Variants in NBPF11 observed in about 807,000 individuals in gnomAD.
NBPF11 encodes NBPF family member NBPF11.
A neutral mutation model predicts 93.9 loss-of-function variants in NBPF11; 72 were observed. That is an observed-to-expected ratio of 0.77 (90% CI 0.63 to 0.93). The LOEUF (loss-of-function observed/expected upper bound fraction) is 0.93, where lower values mean the gene tolerates loss of function less well. Ranked by LOEUF, NBPF11 falls within the 40% of genes least tolerant of loss-of-function variation. The probability of loss-of-function intolerance (pLI) is 0.00; values close to 1 mark genes in which losing one functional copy is unlikely to be tolerated. For missense variants in NBPF11, 705 were observed against 802.2 expected (o/e 0.88, Z 1.46); for synonymous variants, 224 against 304.9 (o/e 0.73, Z 2.76).
chr1:148,139,442 C>T (rs1241094075), intron 2 of NBPF11, among the ~76,000 whole-genome samples: 1 of 149,034 alleles, frequency 6.7e-6, no homozygotes, highest in Non-Finnish European at 1.5e-5. Context: ...CAGACCCAGT[C>T]ATGGGGACCA....
At chr1:148,147,382 G>C (rs1461787159) in intron 1 of NBPF11, among the ~76,000 whole-genome samples, 1 of 152,042 alleles carries the variant, frequency 6.6e-6, no homozygotes. Flanking sequence ...CCATCCTGGG[G>C]CAGGGCCTAC....
chr1:148,126,347 T>A (rs1669109762), intron 5 of NBPF11, among the ~76,000 whole-genome samples: 1 of 151,554 alleles, frequency 6.6e-6, no homozygotes, highest in Admixed American at 6.6e-5. Context: ...ACAGGTTCTA[T>A]TAGGAGCAGA....
At chr1:148,142,139 G>T (rs1414420124) in intron 2 of NBPF11, among the ~76,000 whole-genome samples, 4 of 151,050 alleles carry the variant, frequency 2.6e-5, no homozygotes, top group Admixed American at 6.6e-5. Flanking sequence ...GAAAGAGAGT[G>T]GGAGGGAAGT....
intron 1 of NBPF11, chr1:148,149,471 G>A (rs1399495987): frequency 6.3e-7 from 1 of 1,590,546 alleles, no homozygotes; most frequent in East Asian, 2.2e-5. Context: ...GCTGTGGGTG[G>A]AGGGCGCCGG....
At position 148,151,810 on chromosome 1, in the gene NBPF11, G is replaced by T. The variant is rs1289423103; in HGVS notation, c.-609C>A. ...AACTTCCCATCCAGGCTGCAGCCGTGCCGCCGTACCTCGGCCCCGCTCCTG... is the reference window on the plus strand; with the variant it reads ...AACTTCCCATCCAGGCTGCAGCCGTTCCGCCGTACCTCGGCCCCGCTCCTG... On this transcript the variant is annotated 5_prime_UTR_variant, in exon 1 of 24. Transcript: ENST00000682118. 6.6e-6 allele frequency: 1 copy of T among 152,114 alleles called. No homozygotes were observed. The highest frequency in any genetic ancestry group is 1.9e-4 in the East Asian group (1 of 5,190). The allele number at this position is 152,114 out of a possible 1,614,324, so 9.4% of individuals were successfully genotyped here. A position where few individuals can be genotyped will look rare whatever the true frequency, so the allele number is the denominator to read the frequency against.
Position 148,103,927 on chromosome 1 carries a change from A to G in NBPF11, c.2582-15T>C, listed in dbSNP as rs1426954402. On this transcript the variant is annotated splice_polypyrimidine_tract_variant and intron_variant, in intron 23 of 23. Transcript: ENST00000682118. ...CGCTGCTGAGCCTGGAAAAGGAGAC[A>G]AAACTAAAGAAGCAGCCAGGGAAAA... 1.2e-6 allele frequency: 2 copies of G among 1,610,784 alleles called. No individual in the cohort carries two copies. The highest frequency in any genetic ancestry group is 2.7e-5 in the African/African-American group (2 of 74,772).
intron 1 of NBPF11, among the ~76,000 whole-genome samples, chr1:148,150,355 T>G (rs1418895347): frequency 2.0e-5 from 3 of 150,584 alleles, no homozygotes; most frequent in African/African-American, 7.4e-5. Context: ...CCGCCCACCT[T>G]GGCCTCCCGA....
Position 148,103,561 on chromosome 1 carries a change from C to G in NBPF11, c.*335G>C. The G allele has an allele frequency of 1.3e-6, 2 of 1,591,170 alleles. No homozygotes were observed. The highest frequency in any genetic ancestry group is 8.6e-7 in the Non-Finnish European group (1 of 1,165,840). On this transcript the variant is annotated 3_prime_UTR_variant, in exon 24 of 24. Coordinates refer to ENST00000682118, the MANE Select transcript of NBPF11 (RefSeq NM_001385469.3). ...ATAGGAATAGAGCCATGCCCACTGA[C>G]CCATCCTATGTCTGGGCTTCCAAAT...
At chr1:148,145,963 A>G (rs1225468920) in intron 1 of NBPF11, among the ~76,000 whole-genome samples, 1 of 152,110 alleles carries the variant, frequency 6.6e-6, no homozygotes, top group Non-Finnish European at 1.5e-5. Flanking sequence ...TTGAAAAAAG[A>G]GAAATGCAAT....
In NBPF11 at chr1:148,120,566, C is replaced by T. The variant is rs1438108145; in HGVS notation, c.923G>A (p.Ser308Asn). 67 of 1,248,144 alleles carry T rather than the reference C, an allele frequency of 5.4e-5. 1 individual carries two copies. In the South Asian group the frequency reaches 5.5e-4, roughly 10 times the overall value. 77.3% of individuals were successfully genotyped at this position (1,248,144 alleles called of 1,614,324 possible). ...AGTTACAAAACATTTCTCTTTGAGG[C>T]TTCTGAACTGCTGTTTCTTCTCTGC... is the stretch of plus-strand genomic sequence containing the variant. Reference protein sequence around the residue: ...QLAEKKQQFRSLKEKCFVTQV... With the variant: ...QLAEKKQQFRNLKEKCFVTQV... The change falls in exon 10 of 24, where the codon AGC (serine) becomes AAC (asparagine). Residue 308 changes from serine (S) to asparagine (N), a missense_variant. By Grantham distance (46) the Ser-to-Asn change is conservative (BLOSUM62 1). Transcript: ENST00000682118.
At chr1:148,133,958 T>C (rs1181233368) in intron 4 of NBPF11, among the ~76,000 whole-genome samples, 4 of 151,654 alleles carry the variant, frequency 2.6e-5, no homozygotes, top group Admixed American at 2.6e-4. Flanking sequence ...CACATGTCCC[T>C]GCCTCTCAAG....
Position 148,122,055 on chromosome 1 carries a change from C to T in NBPF11, c.778G>A (p.Val260Ile). 6.2e-7 allele frequency: 1 copy of T among 1,603,496 alleles called. No homozygotes were observed. Among genetic ancestry groups the T allele is most frequent in the Admixed American group, 1.7e-5 (1 of 60,008 alleles). The change falls in exon 9 of 24, where the codon GTC becomes ATC. Residue 260 changes from valine to isoleucine, a missense_variant and splice_region_variant. By Grantham distance (29) the Val-to-Ile change is conservative (BLOSUM62 3). Transcript: ENST00000682118. ...GAGACACAAGGAAAATAGAGGCTAC[C>T]TGGGAGAATGTTTAGAGCATCCTGA... ...GCQDALNILPVPGPTSSATNV... is the reference protein window; with the variant it reads ...GCQDALNILPIPGPTSSATNV...
chr1:148,150,203 G>A (rs1647938772), intron 1 of NBPF11, among the ~76,000 whole-genome samples: 1 of 145,752 alleles, frequency 6.9e-6, no homozygotes, highest in Non-Finnish European at 1.5e-5. Flanking sequence ...CCAGGCCAGA[G>A]TGCACTGGCA....
chr1:148,148,733 C>T (rs2149314297), intron 1 of NBPF11, among the ~76,000 whole-genome samples: 1 of 152,128 alleles, frequency 6.6e-6, no homozygotes, highest in African/African-American at 2.4e-5. Context: ...AGAGTGTCCG[C>T]TGTCCTGGCC....
intron 1 of NBPF11, chr1:148,146,641 C>G (rs1360572103): frequency 4.3e-6 from 7 of 1,611,536 alleles, no homozygotes; most frequent in South Asian, 3.3e-5. Flanking sequence ...CCAGCGCGAG[C>G]TGGACACCAT....
chr1:148,149,685 G>A (rs1236240438), intron 1 of NBPF11: 47 of 713,750 alleles, frequency 6.6e-5, no homozygotes, highest in Admixed American at 2.3e-4. Context: ...ACCCCGCCCC[G>A]ACCCAGGGGC....
chr1:148,116,935 A>C (rs1666702146), intron 12 of NBPF11, among the ~76,000 whole-genome samples: 2 of 152,190 alleles, frequency 1.3e-5, no homozygotes, highest in Admixed American at 1.3e-4. Flanking sequence ...ACAGTCCTCT[A>C]TGCATCAGAA....
At chr1:148,142,090 G>A (rs1372406806) in intron 2 of NBPF11, among the ~76,000 whole-genome samples, 4 of 146,388 alleles carry the variant, frequency 2.7e-5, no homozygotes, top group East Asian at 2.2e-4. Flanking sequence ...GGGAGGGAAG[G>A]CAGAAGGGAA....
intron 23 of NBPF11, 30 bp from the exon 24 acceptor site, chr1:148,103,942 G>T (rs1662892429): frequency 1.2e-6 from 2 of 1,610,530 alleles, no homozygotes; most frequent in Non-Finnish European, 1.7e-6. Flanking sequence ...TAAAGAAGCA[G>T]CCAGGGAAAA....
Sources: allele counts gnomAD v4.1 joint callset (sites outside exome capture counted in the v4.1 genomes callset), GRCh38; gene constraint gnomAD v4.1.1; transcripts MANE v1.5; gene names NCBI Gene and HGNC (gene_info 2026-07-23, HGNC 2026-07-21).